Variants in ACTN1 observed in about 807,000 individuals in gnomAD.
ACTN1 encodes the protein actinin alpha 1.
Under a neutral mutation model 119.6 loss-of-function variants are expected in ACTN1, and 30 were observed. The observed-to-expected ratio is 0.25, with a 90% confidence interval of 0.19 to 0.34. ACTN1 has a LOEUF of 0.34. Among genes scored for constraint, ACTN1 ranks in the 10% least tolerant of loss-of-function variants. ACTN1 has a pLI of 1.00. For synonymous variants in ACTN1, 429 were observed against 472.6 expected (o/e 0.91, Z 1.20); for missense variants, 764 against 1,223.4 (o/e 0.62, Z 5.60).
chr14:68,951,085 A>G (rs2036149393), intron 1 of ACTN1, among the ~76,000 whole-genome samples: 1 of 152,168 alleles, frequency 6.6e-6, no homozygotes, highest in Non-Finnish European at 1.5e-5. Context: ...GCAGCTGGAT[A>G]GCACAGGCCT....
At chr14:68,943,204 G>C (rs1260539242) in intron 1 of ACTN1, among the ~76,000 whole-genome samples, 2 of 152,172 alleles carry the variant, frequency 1.3e-5, no homozygotes. Context: ...AGCCCGGTTT[G>C]AGGGACAGGG....
In ACTN1 at chr14:68,909,593, G is replaced by C. The variant is rs1566626735; in HGVS notation, c.516-197C>G. 6.6e-6 allele frequency among the ~76,000 whole-genome samples: 1 copy of C among 152,158 alleles called. No individual in the cohort carries two copies. The highest frequency in any genetic ancestry group is 1.5e-5 in the Non-Finnish European group (1 of 68,028). ...GGCACTAGGGTCAAGACTTTGTGGG[G>C]GGGTTGACAAGTTCAGATAAACCTG... On this transcript the variant is annotated intron_variant, in intron 5 of 21. Coordinates refer to ENST00000394419, the MANE Select transcript of ACTN1 (RefSeq NM_001130004.2). This position sits in a 1 kb window ranked among gnomAD's most constrained non-coding sequence, Gnocchi z 4.1.
At chr14:68,950,294 CAAAAAAAA>C (rs60899029) in intron 1 of ACTN1, among the ~76,000 whole-genome samples, 1,604 of 121,488 alleles carry the variant, frequency 0.013, 118 homozygotes, top group African/African-American at 0.046. Context: ...GTTGTTGTCT[CAAAAAAAA>C]AAAAAAAAAA....
At chr14:68,928,854 C>G (rs576397768) in intron 1 of ACTN1, among the ~76,000 whole-genome samples, 2 of 152,120 alleles carry the variant, frequency 1.3e-5, no homozygotes, top group African/African-American at 4.8e-5. Context: ...CCCACCCCAC[C>G]ACGCGCTGTA....
intron 8 of ACTN1, among the ~76,000 whole-genome samples, chr14:68,896,221 C>T (rs1456339674): frequency 6.6e-6 from 1 of 152,152 alleles, no homozygotes; most frequent in African/African-American, 2.4e-5. Context: ...AAAACTACGG[C>T]AGAATCCTCA....
At position 68,882,900 on chromosome 14, in the gene ACTN1, A is replaced by C. The variant is rs776016415; in HGVS notation, c.1791T>G (p.Pro597=). 6.2e-6 allele frequency: 10 copies of C among 1,613,948 alleles called. No individual in the cohort carries two copies. The Admixed American group carries it at 1.0e-4, about 16-fold the overall frequency. The change falls in exon 15 of 22, where the codon CCT becomes CCG. Residue 597 remains proline (P), a synonymous_variant. Coordinates refer to ENST00000394419, the MANE Select transcript of ACTN1 (RefSeq NM_001130004.2). The surrounding 1 kb of genome is among the most constrained non-coding windows in gnomAD (Gnocchi z 4.5). ...AGTNPYTTIT[P]QEINGKWDHV... is the part of the protein sequence containing the mutation. ...GGTCCCATTTGCCATTGATCTCCTG[A>C]GGCGTGATGGTTGTGTAGGGGTTGG...
chr14:68,978,039 G>A (rs1169114730), intron 1 of ACTN1: 2 of 456,046 alleles, frequency 4.4e-6, no homozygotes, highest in Admixed American at 4.7e-5. Flanking sequence ...TGGCCACTGT[G>A]CCCGGGTCCC....
intron 1 of ACTN1, among the ~76,000 whole-genome samples, chr14:68,959,922 C>T (rs113370493): frequency 4.6e-5 from 7 of 152,298 alleles, no homozygotes; most frequent in Admixed American, 3.9e-4. Flanking sequence ...TAAGCCTTAC[C>T]TATAACATAA....
chr14:68,912,087 G>A, intron 4 of ACTN1, 69 bp downstream of exon 4: 3 of 1,474,728 alleles, frequency 2.0e-6, no homozygotes, highest in Non-Finnish European at 2.8e-6. Context: ...GGGTATGGGA[G>A]TTCTCCAGGC....
In ACTN1 at chr14:68,899,433, C is replaced by T. The variant is rs1181039212; in HGVS notation, c.762+3044G>A. ...CCCTTCCACACCACATTCCCCACAC[C>T]CCCCAGACACACACCTTACACACCA... On this transcript the variant is annotated intron_variant, in intron 8 of 21. Coordinates refer to ENST00000394419, the MANE Select transcript of ACTN1 (RefSeq NM_001130004.2). 9.5e-5 allele frequency among the ~76,000 whole-genome samples: 14 copies of T among 147,040 alleles called. No individual in the cohort carries two copies. In the East Asian group the frequency reaches 2.4e-3, roughly 25 times the overall value.
chr14:68,937,772 G>C (rs1274366380), intron 1 of ACTN1, among the ~76,000 whole-genome samples: 3 of 152,212 alleles, frequency 2.0e-5, no homozygotes, highest in Admixed American at 2.0e-4. Flanking sequence ...TCTGGTCTAG[G>C]CTCATCGAGT....
intron 3 of ACTN1, 41 bp from the exon 4 acceptor site, chr14:68,912,283 CG>C: frequency 6.4e-7 from 1 of 1,551,120 alleles, no homozygotes; most frequent in South Asian, 1.1e-5. Context: ...AGGGCCTCAG[CG>C]GGGACAGAAT....
At chr14:68,904,848 C>T in intron 6 of ACTN1, 112 bp from the exon 7 acceptor site, 1 of 821,840 alleles carries the variant, frequency 1.2e-6, no homozygotes, top group Non-Finnish European at 2.0e-6. Flanking sequence ...TTCTCCCAGC[C>T]CCAGCTCGAT....
chr14:68,924,470 A>G (rs1448815465), intron 2 of ACTN1, among the ~76,000 whole-genome samples: 1 of 152,244 alleles, frequency 6.6e-6, no homozygotes, highest in Non-Finnish European at 1.5e-5. Context: ...TTTTGGGAAT[A>G]GTTAGTTGAA....
At chr14:68,912,028 A>T (rs1325269709) in intron 4 of ACTN1, 128 bp downstream of exon 4, 1 of 757,118 alleles carries the variant, frequency 1.3e-6, no homozygotes, top group Non-Finnish European at 2.2e-6. Flanking sequence ...ATGCCCAATA[A>T]ATGAGCAAGA....
intron 1 of ACTN1, among the ~76,000 whole-genome samples, chr14:68,958,149 A>G (rs1237907031): frequency 1.3e-5 from 2 of 152,226 alleles, no homozygotes; most frequent in Admixed American, 1.3e-4. Context: ...ATTTCCTCCC[A>G]AACATTTAGA....
Position 68,904,855 on chromosome 14 carries a change from C to T in ACTN1, c.595-119G>A, listed in dbSNP as rs1027452166. ...GAGCGACTTTCTCCCAGCCCCAGCTCGATCCTCAGGGGACAGCTCCAGATG... is the reference window on the plus strand; with the variant it reads ...GAGCGACTTTCTCCCAGCCCCAGCTTGATCCTCAGGGGACAGCTCCAGATG... On this transcript the variant is annotated intron_variant, in intron 6 of 21. Transcript: ENST00000394419. 20 of 767,676 alleles carry T rather than the reference C, an allele frequency of 2.6e-5. No individual in the cohort carries two copies. In the Admixed American group the frequency reaches 3.8e-4, roughly 15 times the overall value. 47.6% of individuals were successfully genotyped at this position (767,676 alleles called of 1,614,324 possible). A position where few individuals can be genotyped will look rare whatever the true frequency, so the allele number is the denominator to read the frequency against.
Position 68,904,701 on chromosome 14 carries a change from G to A in ACTN1, c.630C>T (p.Asp210=), listed in dbSNP as rs747545427. The change falls in exon 7 of 22, where the codon GAC becomes GAT. Residue 210 remains aspartate (D), a synonymous_variant. Transcript: ENST00000394419. ...GGATGTCCAGGTACTTCTCTGCCAC[G>A]TCAAAAGCCGTATTCAGATTTGTGA... ...DPLTNLNTAF[D]VAEKYLDIPK... 9.5e-5 allele frequency: 153 copies of A among 1,613,900 alleles called. No homozygotes were observed. The highest frequency in any genetic ancestry group is 1.2e-4 in the Non-Finnish European group (141 of 1,179,912).
chr14:68,875,355 T>A (rs1354654181), intron 21 of ACTN1, among the ~76,000 whole-genome samples: 1 of 152,278 alleles, frequency 6.6e-6, no homozygotes, highest in Non-Finnish European at 1.5e-5. Flanking sequence ...GCAGATACTC[T>A]GGTGGAGCGT....
Sources: allele counts gnomAD v4.1 joint callset (sites outside exome capture counted in the v4.1 genomes callset), GRCh38; gene constraint gnomAD v4.1.1; non-coding constraint Gnocchi (gnomAD v3.1); transcripts MANE v1.5; gene names NCBI Gene and HGNC (gene_info 2026-07-23, HGNC 2026-07-21).